The following GAK variants were observed in gnomAD, a reference collection of about 807,000 sequenced individuals.
GAK encodes the protein cyclin-G-associated kinase.
GAK carries 79 observed loss-of-function variants against 143.9 expected under a neutral mutation model. The ratio of observed to expected loss-of-function variants is 0.55; its 90% CI spans 0.46 to 0.66. The LOEUF is 0.66. GAK is among the 30% of genes least tolerant of loss of function. The pLI is 0.00. For synonymous variants in GAK, 881 were observed against 765.5 expected (o/e 1.15, Z -2.49); for missense variants, 1,693 against 1,779.7 (o/e 0.95, Z 0.88).
chr4:899,917 T>A (rs1719536255), intron 5 of GAK, among the ~76,000 whole-genome samples: 1 of 152,178 alleles, frequency 6.6e-6, no homozygotes, highest in Admixed American at 6.5e-5. Context: ...AGGCCACCAC[T>A]GGCCCCCGAG....
chr4:850,462 C>T (rs943027994), intron 26 of GAK: 22 of 205,772 alleles, frequency 1.1e-4, no homozygotes, highest in Admixed American at 6.9e-4. Context: ...AGCTGGGCAT[C>T]GGCCAAGCCA....
intron 5 of GAK, among the ~76,000 whole-genome samples, chr4:899,462 A>G (rs1309505561): frequency 6.6e-6 from 1 of 152,228 alleles, no homozygotes; most frequent in Non-Finnish European, 1.5e-5. Context: ...GCAGCACACC[A>G]GCCACGGACG....
At chr4:865,486 A>T (rs1751013783) in intron 22 of GAK, among the ~76,000 whole-genome samples, 1 of 151,896 alleles carries the variant, frequency 6.6e-6, no homozygotes, top group Non-Finnish European at 1.5e-5. Flanking sequence ...CAGGCTGAGA[A>T]CAAGCATCTG....
chr4:893,319 T>TCA, intron 9 of GAK, 58 bp downstream of exon 9: 1 of 1,251,374 alleles, frequency 8.0e-7, no homozygotes, highest in Non-Finnish European at 1.1e-6. Flanking sequence ...GATCTGGGGC[T>TCA]CATGTGTGCC....
intron 26 of GAK, 118 bp from the exon 27 acceptor site, chr4:850,186 C>T (rs1048661342): frequency 1.2e-5 from 12 of 1,003,474 alleles, no homozygotes; most frequent in Admixed American, 5.3e-5. Context: ...GGGCTCAGCC[C>T]GGCTCACAGA....
intron 16 of GAK, 149 bp from the exon 17 acceptor site, chr4:877,356 T>A (rs963693577): frequency 3.0e-6 from 2 of 675,640 alleles, no homozygotes; most frequent in Non-Finnish European, 5.1e-6. Context: ...TCACAAGAAT[T>A]CTAAAGTCTC....
intron 1 of GAK, among the ~76,000 whole-genome samples, chr4:917,606 A>G (rs1232691333): frequency 6.6e-6 from 1 of 152,282 alleles, no homozygotes; most frequent in South Asian, 2.1e-4. Context: ...ACAGAAGGCC[A>G]ATCAGTGGTT....
intron 1 of GAK, among the ~76,000 whole-genome samples, chr4:924,176 C>CAAAAAA (rs71640369): frequency 1.0e-5 from 1 of 99,876 alleles, no homozygotes; most frequent in African/African-American, 4.1e-5. Context: ...GACTCCCTCT[C>CAAAAAA]AAAAAAAAAA....
At chr4:850,106 T>C in intron 26 of GAK, 38 bp from the exon 27 acceptor site, 1 of 1,524,560 alleles carries the variant, frequency 6.6e-7, no homozygotes, top group Non-Finnish European at 8.9e-7. Context: ...CCTGGGCACC[T>C]GCCTGCCCTC....
intron 25 of GAK, chr4:851,481 A>C (rs1156866859): frequency 1.8e-6 from 1 of 563,292 alleles, no homozygotes; most frequent in Non-Finnish European, 3.2e-6. Context: ...ATGCCTCCAG[A>C]GTAAAGAAGA....
At chr4:926,025 A>G (rs1014777138) in intron 1 of GAK, among the ~76,000 whole-genome samples, 1 of 151,922 alleles carries the variant, frequency 6.6e-6, no homozygotes, top group Admixed American at 6.6e-5. Context: ...CGTCCCCAAC[A>G]GTGACCTCCC....
At chr4:902,212 G>A (rs1476100556) in intron 5 of GAK, among the ~76,000 whole-genome samples, 2 of 151,484 alleles carry the variant, frequency 1.3e-5, no homozygotes, top group Non-Finnish European at 2.9e-5. Flanking sequence ...ACTCCAGCCT[G>A]GGCAACAGAG....
At chr4:915,054 A>C (rs1283062468) in intron 1 of GAK, among the ~76,000 whole-genome samples, 2 of 75,386 alleles carry the variant, frequency 2.7e-5, no homozygotes, top group East Asian at 4.1e-4. Context: ...GCACACGGCC[A>C]ACACACACAG....
intron 4 of GAK, among the ~76,000 whole-genome samples, chr4:906,066 C>T (rs1225500085): frequency 3.3e-5 from 5 of 152,190 alleles, no homozygotes; most frequent in African/African-American, 9.7e-5. Flanking sequence ...AGAACCACAT[C>T]GGCATCCCAG....
At chr4:851,484 A>G (rs1577022017) in intron 25 of GAK, 1 of 563,506 alleles carries the variant, frequency 1.8e-6, no homozygotes, top group East Asian at 3.1e-5. Context: ...CCTCCAGAGT[A>G]AAGAAGAGGG....
intron 15 of GAK, among the ~76,000 whole-genome samples, chr4:878,512 T>C (rs756087107): frequency 2.0e-5 from 3 of 152,216 alleles, no homozygotes; most frequent in African/African-American, 4.8e-5. Context: ...TGTTTTTCTA[T>C]TGTTGGGTGG....
rs763290958 is a variant in GAK at position 865,165 on chromosome 4, G to T, written c.3123C>A (p.Thr1041=). 29 of 1,612,222 alleles carry T rather than the reference G, an allele frequency of 1.8e-5. No individual in the cohort carries two copies. Among genetic ancestry groups the T allele is most frequent in the Non-Finnish European group, 2.0e-5 (24 of 1,179,456 alleles). The change falls in exon 23 of 28, where the codon ACC becomes ACA. Residue 1041 remains threonine, a synonymous_variant. Transcript: ENST00000314167. ...GGGCCACTGCCGATGCTGCAGTCTC[G>T]GTCCAGGCAGCCCATCCTCCCAGCA... ...PDLLGGWAAW[T]ETAASAVAPT...
chr4:902,133 G>GA (rs1236328936), intron 5 of GAK, among the ~76,000 whole-genome samples: 1 of 151,964 alleles, frequency 6.6e-6, no homozygotes, highest in Non-Finnish European at 1.5e-5. Context: ...AGCTACTCGG[G>GA]AGGCTGAGGT....
intron 24 of GAK, among the ~76,000 whole-genome samples, chr4:856,680 CCTG>C (rs2152703431): frequency 6.6e-6 from 1 of 150,658 alleles, no homozygotes; most frequent in Non-Finnish European, 1.5e-5. Flanking sequence ...GCTGCTCACA[CCTG>C]CTCACCACAG....
Sources: allele counts gnomAD v4.1 joint callset (sites outside exome capture counted in the v4.1 genomes callset), GRCh38; gene constraint gnomAD v4.1.1; transcripts MANE v1.5; gene names NCBI Gene and HGNC (gene_info 2026-07-23, HGNC 2026-07-21).